The following TMEM9 variants were observed in gnomAD, a reference collection of about 807,000 sequenced individuals.
The protein encoded by TMEM9 is proton-transporting V-type ATPase complex assembly regulator TMEM9.
In TMEM9, 13 loss-of-function variants were observed where a neutral mutation model predicts 22.8. The observed-to-expected ratio is 0.57, with a 90% CI of 0.37 to 0.91. The LOEUF (loss-of-function observed/expected upper bound fraction) is 0.91. Ranked by LOEUF, TMEM9 falls within the 40% of genes least tolerant of loss-of-function variation. The pLI, the probability that TMEM9 is intolerant of heterozygous loss-of-function variation, is 0.01. For missense variants in TMEM9, 182 were observed against 238.1 expected, an observed-to-expected ratio of 0.76 and a Z score of 1.55; for synonymous variants, 88 against 93.0, an observed-to-expected ratio of 0.95 and a Z score of 0.31.
chr1:201,139,265 G>A (rs1471269471), intron 4 of TMEM9, among the ~76,000 whole-genome samples: 2 of 152,184 alleles, frequency 1.3e-5, no homozygotes, highest in South Asian at 4.1e-4. Context: ...ACAGGAGCAT[G>A]ACCAGGTGGT....
At chr1:201,155,066 C>T (rs1665742193), upstream of TMEM9, among the ~76,000 whole-genome samples, 1 of 152,160 alleles carries the variant, frequency 6.6e-6, no homozygotes, top group Non-Finnish European at 1.5e-5. Context: ...GGCCAGGATG[C>T]AGGGGTGAGG....
rs1288243693 is a variant in TMEM9, at chr1:201,146,771, C to T, written c.236G>A (p.Arg79Lys). The change falls in exon 3 of 5, where the codon AGG becomes AAG. Residue 79 changes from arginine to lysine, a missense_variant. Transcript: ENST00000367330. ...GGTGGTGGTGCTGCGCTCCTCGTAC[C>T]TGCACTCGCACAGCAGGCAGTAGGC... ...VEAYCLLCEC[R>K]YEERSTTTIK... 2 of 1,614,260 alleles carry T rather than the reference C, an allele frequency of 1.2e-6. No homozygotes were observed. The highest frequency in any genetic ancestry group is 1.7e-5 in the Admixed American group (1 of 60,036).
intron 1 of TMEM9, among the ~76,000 whole-genome samples, chr1:201,171,256 C>T (rs1056537592): frequency 7.2e-5 from 11 of 152,102 alleles, no homozygotes; most frequent in Non-Finnish European, 1.2e-4. Flanking sequence ...TGCCGGACGG[C>T]GGGCTAAAAG....
In TMEM9 at chr1:201,151,771, G is replaced by C. The variant is rs1449577448; in HGVS notation, c.148C>G (p.Gln50Glu). 1 of 1,613,474 alleles carries C rather than the reference G, an allele frequency of 6.2e-7. No individual in the cohort carries two copies. Among genetic ancestry groups the C allele is most frequent in the Non-Finnish European group, 8.5e-7 (1 of 1,179,492 alleles). The part of the protein sequence containing the change: ...SGHIYNQNVS[Q>E]KDCNCLHVVE... Reference sequence around the variant, plus strand: ...CGTGTAATGCCTTACCAGTCCTTCTGGGATACATTCTGGTTGTAAATGTGC... The same window carrying C: ...CGTGTAATGCCTTACCAGTCCTTCTCGGATACATTCTGGTTGTAAATGTGC... The change falls in exon 2 of 5, where the codon CAG becomes GAG. Residue 50 changes from glutamine to glutamate, a missense_variant. Gln to Glu is a conservative substitution (Grantham distance 29). Transcript: ENST00000367330.
At chr1:201,165,011 G>GA (rs1217072305) in intron 1 of TMEM9, among the ~76,000 whole-genome samples, 1 of 151,612 alleles carries the variant, frequency 6.6e-6, no homozygotes, top group Non-Finnish European at 1.5e-5. Context: ...GCTAAGCAGG[G>GA]AAAAAACAGA....
chr1:201,152,584 T>C (rs1665518725), intron 1 of TMEM9, among the ~76,000 whole-genome samples: 1 of 152,220 alleles, frequency 6.6e-6, no homozygotes, highest in Non-Finnish European at 1.5e-5. Flanking sequence ...TCACCCTTAA[T>C]AATGGAAACT....
chr1:201,153,957 C>A lies in TMEM9; in HGVS notation c.-34G>T. On this transcript the variant is annotated 5_prime_UTR_variant, in exon 1 of 5. Coordinates refer to ENST00000367330, the MANE Select transcript of TMEM9 (RefSeq NM_001288565.2). ...GGCTTGCTGGGCCAGCAAAGCCGGACACCTGGAAAAAGAGATACGGAGTCG... is the reference window on the plus strand; with the variant it reads ...GGCTTGCTGGGCCAGCAAAGCCGGAAACCTGGAAAAAGAGATACGGAGTCG... 2 of 1,588,292 alleles carry A rather than the reference C, an allele frequency of 1.3e-6. No homozygotes were observed. The highest frequency in any genetic ancestry group is 1.7e-6 in the Non-Finnish European group (2 of 1,166,636).
At chr1:201,162,587 C>T (rs955868506) in intron 1 of TMEM9, among the ~76,000 whole-genome samples, 2 of 144,900 alleles carry the variant, frequency 1.4e-5, no homozygotes, top group Non-Finnish European at 3.0e-5. Flanking sequence ...AAAAATATAA[C>T]TCAAAAAGAA....
intron 4 of TMEM9, among the ~76,000 whole-genome samples, chr1:201,143,089 C>T (rs1664670406): frequency 6.6e-6 from 1 of 152,204 alleles, no homozygotes; most frequent in African/African-American, 2.4e-5. Context: ...GGGCCTGGTC[C>T]AAGCCCTGCC....
At chr1:201,168,866 A>G (rs1666144428) in intron 1 of TMEM9, among the ~76,000 whole-genome samples, 1 of 151,870 alleles carries the variant, frequency 6.6e-6, no homozygotes, top group African/African-American at 2.4e-5. Context: ...ATCATGGCTC[A>G]CTGCAGCCTT....
chr1:201,166,660 C>G (rs1019117016), intron 1 of TMEM9, among the ~76,000 whole-genome samples: 5 of 152,078 alleles, frequency 3.3e-5, no homozygotes, highest in African/African-American at 1.2e-4. Flanking sequence ...ACCATGCCCA[C>G]CTGACTTTTT....
chr1:201,161,591 C>G (rs1027500285), intron 1 of TMEM9, among the ~76,000 whole-genome samples: 1 of 152,182 alleles, frequency 6.6e-6, no homozygotes, highest in Non-Finnish European at 1.5e-5. Flanking sequence ...GTTCGGGGAA[C>G]CTTAAAGTAA....
chr1:201,157,354 G>A (rs12067723), upstream of TMEM9, among the ~76,000 whole-genome samples: 1,085 of 152,264 alleles, frequency 7.1e-3, 17 homozygotes, highest in African/African-American at 0.025. Context: ...AAAAGGGAAG[G>A]TGGAGTCCCA....
Position 201,154,253 on chromosome 1 carries a change from C to A in TMEM9, c.-330G>T. 4.2e-6 allele frequency: 1 copy of A among 239,024 alleles called. No individual in the cohort carries two copies. The highest frequency in any genetic ancestry group is 8.3e-6 in the Non-Finnish European group (1 of 120,976). The allele number at this position is 239,024 out of a possible 1,614,324, so 14.8% of individuals were successfully genotyped here. A position where few individuals can be genotyped will look rare whatever the true frequency, so the allele number is the denominator to read the frequency against. On this transcript the variant is annotated 5_prime_UTR_variant, in exon 1 of 5. Transcript: ENST00000367330. ...CCGCGCATCACGTCCCACCGCCCTC[C>A]GCCATCTCCGCCTCTGCCCGCCCCG... is the stretch of plus-strand genomic sequence containing the variant.
chr1:201,147,793 C>T (rs1318198186), intron 2 of TMEM9, among the ~76,000 whole-genome samples: 1 of 152,184 alleles, frequency 6.6e-6, no homozygotes, highest in African/African-American at 2.4e-5. Flanking sequence ...GCCTCCCTCA[C>T]CCACTTTCCC....
At chr1:201,149,371 G>A (rs953343499) in intron 2 of TMEM9, among the ~76,000 whole-genome samples, 4 of 152,152 alleles carry the variant, frequency 2.6e-5, no homozygotes, top group African/African-American at 9.7e-5. Flanking sequence ...GAGCAATTCC[G>A]ACTTTTATGT....
intron 1 of TMEM9, among the ~76,000 whole-genome samples, chr1:201,165,777 A>C (rs1666059843): frequency 6.6e-6 from 1 of 152,182 alleles, no homozygotes. Flanking sequence ...GCTTAGCCAG[A>C]ATGGCAGACT....
intron 1 of TMEM9, among the ~76,000 whole-genome samples, chr1:201,162,636 C>T (rs530561384): frequency 6.6e-6 from 1 of 150,740 alleles, no homozygotes; most frequent in East Asian, 1.9e-4. Context: ...TTTAAAAATA[C>T]TTAGAAAAAA....
chr1:201,150,476 G>A (rs1352733246), intron 2 of TMEM9, among the ~76,000 whole-genome samples: 1 of 152,144 alleles, frequency 6.6e-6, no homozygotes, highest in East Asian at 1.9e-4. Flanking sequence ...ACACAAACAC[G>A]TACATACTTA....
Sources: allele counts gnomAD v4.1 joint callset (sites outside exome capture counted in the v4.1 genomes callset), GRCh38; gene constraint gnomAD v4.1.1; transcripts MANE v1.5; gene names NCBI Gene and HGNC (gene_info 2026-07-23, HGNC 2026-07-21).